TRAPPC9: variants seen among roughly 807,000 people sequenced by gnomAD.
TRAPPC9 encodes IKK2 binding protein.
A neutral mutation model predicts 124.0 loss-of-function variants in TRAPPC9; 83 were observed. That is an observed-to-expected ratio of 0.67 (90% CI 0.56 to 0.80). The LOEUF is 0.80. Ranked by LOEUF, TRAPPC9 falls within the 30% of genes least tolerant of loss-of-function variation. The pLI is 0.00. For synonymous variants in TRAPPC9, 638 were observed against 617.5 expected, an observed-to-expected ratio of 1.03 and a Z score of -0.49; for missense variants, 1,302 against 1,508.3, an observed-to-expected ratio of 0.86 and a Z score of 2.27.
intron 21 of TRAPPC9, among the ~76,000 whole-genome samples, chr8:139,749,233 A>C (rs556593820): frequency 6.6e-6 from 1 of 152,074 alleles, no homozygotes; most frequent in Non-Finnish European, 1.5e-5. Context: ...AAGCACATCC[A>C]GCCCCCAGCA....
At chr8:139,863,550 C>T (rs969965529) in intron 21 of TRAPPC9, among the ~76,000 whole-genome samples, 5 of 152,342 alleles carry the variant, frequency 3.3e-5, no homozygotes, top group East Asian at 1.9e-4. Flanking sequence ...CCGGGACTTG[C>T]GGGGTGAGGC....
intron 21 of TRAPPC9, among the ~76,000 whole-genome samples, chr8:139,882,461 A>G (rs1249903693): frequency 6.6e-6 from 1 of 152,166 alleles, no homozygotes; most frequent in African/African-American, 2.4e-5. Flanking sequence ...TGCAGTGAAT[A>G]CCACGGCTCT....
rs71320347 is a variant in TRAPPC9 at position 140,231,481 on chromosome 8, C to CTTTTTTTTTTT, written c.2432-9909_2432-9899dup. ...AACTGCTAGTAAATCACTGCCTTTT[C>CTTTTTTTTTTT]TTTTTTTTTTTTTTTTTTTTTTTTT... On this transcript the variant is annotated intron_variant, in intron 16 of 22. Transcript: ENST00000438773. Among the ~76,000 whole-genome samples the CTTTTTTTTTTT allele has an allele frequency of 2.1e-4, 12 of 56,990 alleles. 3 individuals carry two copies. Among genetic ancestry groups the CTTTTTTTTTTT allele is most frequent in the African/African-American group, 8.7e-4 (12 of 13,764 alleles). 37.4% of individuals were successfully genotyped at this position (56,990 alleles called of 152,430 possible).
At chr8:140,204,415 T>C (rs1041194657) in intron 17 of TRAPPC9, among the ~76,000 whole-genome samples, 5 of 138,442 alleles carry the variant, frequency 3.6e-5, no homozygotes, top group African/African-American at 5.5e-5. Flanking sequence ...TAGGTGGGAA[T>C]TGAACAATGA....
intron 18 of TRAPPC9, among the ~76,000 whole-genome samples, chr8:140,012,099 C>T (rs1227918045): frequency 3.3e-5 from 5 of 152,186 alleles, no homozygotes; most frequent in Non-Finnish European, 7.3e-5. Flanking sequence ...CGTGAGCCAC[C>T]GCGCCCGGCC....
intron 2 of TRAPPC9, among the ~76,000 whole-genome samples, chr8:140,439,533 A>C (rs1564024795): frequency 1.3e-5 from 2 of 152,238 alleles, no homozygotes; most frequent in South Asian, 2.1e-4. Context: ...TTTTTAAAAA[A>C]ATCAATTATC....
chr8:139,760,702 C>T (rs1482930940), intron 21 of TRAPPC9, among the ~76,000 whole-genome samples: 1 of 152,178 alleles, frequency 6.6e-6, no homozygotes, highest in Non-Finnish European at 1.5e-5. Flanking sequence ...AAGTGTAAGG[C>T]AAGGAGGAGC....
At chr8:140,240,086 T>C (rs1047911174) in intron 16 of TRAPPC9, among the ~76,000 whole-genome samples, 31 of 152,208 alleles carry the variant, frequency 2.0e-4, no homozygotes, top group Non-Finnish European at 3.7e-4. Flanking sequence ...GCATCCGTTA[T>C]CATTAAATTG....
chr8:139,743,871 T>A (rs1033573876), intron 21 of TRAPPC9, among the ~76,000 whole-genome samples: 2 of 152,216 alleles, frequency 1.3e-5, no homozygotes, highest in Non-Finnish European at 2.9e-5. Flanking sequence ...CAGTCCAGCA[T>A]GTTTTCCCTC....
At chr8:139,784,887 T>C (rs1351539385) in intron 21 of TRAPPC9, among the ~76,000 whole-genome samples, 1 of 151,978 alleles carries the variant, frequency 6.6e-6, no homozygotes, top group African/African-American at 2.4e-5. Flanking sequence ...TCTCCCCAGA[T>C]TGATCTACGT....
At chr8:140,180,736 A>T (rs2062183048) in intron 17 of TRAPPC9, among the ~76,000 whole-genome samples, 1 of 141,904 alleles carries the variant, frequency 7.0e-6, no homozygotes, top group African/African-American at 2.6e-5. Flanking sequence ...TTCCAGGAGC[A>T]TTTTTTCCAA....
intron 15 of TRAPPC9, among the ~76,000 whole-genome samples, chr8:140,266,744 C>CAAGCTACTCGGGAGGCCG (rs369534166): frequency 0.013 from 1,921 of 151,942 alleles, 32 homozygotes; most frequent in African/African-American, 0.044. Context: ...CCTGTAGTCC[C>CAAGCTACTCGGGAGGCCG]AGCTACTCGG....
At chr8:140,036,249 C>A (rs1840869915) in intron 17 of TRAPPC9, among the ~76,000 whole-genome samples, 1 of 151,336 alleles carries the variant, frequency 6.6e-6, no homozygotes, top group African/African-American at 2.4e-5. Context: ...AACACTCTGG[C>A]TGCAACATGG....
chr8:140,216,726 T>C lies in TRAPPC9; in HGVS notation c.2556+4733A>G, dbSNP rs4342568. On this transcript the variant is annotated intron_variant, in intron 17 of 22. Coordinates refer to ENST00000438773, the MANE Select transcript of TRAPPC9 (RefSeq NM_001160372.4). This position sits in a 1 kb window ranked among gnomAD's most constrained non-coding sequence, Gnocchi z 4.1. ...CACCTGCCAGCCGCAGGTTCGGGAA[T>C]GCCCTCTCCACTCTGGCCTGCTAGC... Among the ~76,000 whole-genome samples the C allele has an allele frequency of 0.28, 42,464 of 152,064 alleles. 7,608 individuals carry two copies. Among genetic ancestry groups the C allele is most frequent in the East Asian group, 0.56 (2,889 of 5,170 alleles).
intron 21 of TRAPPC9, among the ~76,000 whole-genome samples, chr8:139,826,489 G>C (rs10102153): frequency 0.26 from 39,352 of 152,092 alleles, 5,644 homozygotes; most frequent in East Asian, 0.44. Context: ...GGGGGGAACA[G>C]AGACCCCTGT....
chr8:139,747,819 T>G (rs1472123802), intron 21 of TRAPPC9, among the ~76,000 whole-genome samples: 1 of 19,188 alleles, frequency 5.2e-5, no homozygotes, highest in Non-Finnish European at 8.4e-5. Context: ...GGTGTGGGGG[T>G]GTCCCGGGGT....
chr8:140,308,166 C>T (rs900756911), intron 10 of TRAPPC9, among the ~76,000 whole-genome samples: 1 of 152,098 alleles, frequency 6.6e-6, no homozygotes, highest in Non-Finnish European at 1.5e-5. Flanking sequence ...ACCGGCCACA[C>T]ATTTGGCCCA....
intron 21 of TRAPPC9, among the ~76,000 whole-genome samples, chr8:139,777,339 C>G (rs769055295): frequency 5.9e-5 from 9 of 152,206 alleles, no homozygotes; most frequent in Admixed American, 2.6e-4. Flanking sequence ...AAAGTTTACC[C>G]ATGAGAGTTG....
At chr8:139,773,762 C>T (rs769792861) in intron 21 of TRAPPC9, among the ~76,000 whole-genome samples, 5 of 152,202 alleles carry the variant, frequency 3.3e-5, no homozygotes, top group African/African-American at 1.2e-4. Context: ...TGCCTGAAAC[C>T]GACCAACCAA....
Sources: gnomAD v4.1 joint callset for allele counts (sites outside exome capture counted in the v4.1 genomes callset) on GRCh38, gnomAD v4.1.1 for gene constraint, Gnocchi (gnomAD v3.1) non-coding constraint, MANE v1.5 for transcripts, NCBI Gene and HGNC (gene_info 2026-07-23, HGNC 2026-07-21) for gene names.